Variants in USP48 observed in about 807,000 individuals in gnomAD.
USP48 encodes ubiquitin specific peptidase 48.
A neutral mutation model predicts 150.7 loss-of-function variants in USP48; 43 were observed. That is an observed-to-expected ratio of 0.29 (90% confidence interval 0.22 to 0.37). The LOEUF is 0.37. Ranked by LOEUF, USP48 falls within the 10% of genes least tolerant of loss-of-function variation. USP48 has a pLI of 1.00. For synonymous variants in USP48, 396 were observed against 425.9 expected (o/e 0.93, Z 0.86); for missense variants, 813 against 1,249.6 (o/e 0.65, Z 5.27).
intron 5 of USP48, 133 bp downstream of exon 5, chr1:21,752,394 G>C: frequency 9.4e-7 from 1 of 1,067,870 alleles, no homozygotes; most frequent in Non-Finnish European, 1.3e-6. Flanking sequence ...CCATGGAAAT[G>C]TATTACTATA....
intron 11 of USP48, among the ~76,000 whole-genome samples, chr1:21,727,194 A>G (rs549302433): frequency 6.6e-6 from 1 of 152,348 alleles, no homozygotes; most frequent in African/African-American, 2.4e-5. Flanking sequence ...TAGAAAATGC[A>G]TAACAAAAGA....
At chr1:21,682,444 C>CTTT (rs139299505) in intron 25 of USP48, among the ~76,000 whole-genome samples, 16 of 144,400 alleles carry the variant, frequency 1.1e-4, no homozygotes, top group Admixed American at 6.2e-4. Context: ...CTATTGTTTG[C>CTTT]TTTTTTTTTT....
chr1:21,737,267 T>C (rs2097770783), intron 8 of USP48, among the ~76,000 whole-genome samples: 1 of 152,106 alleles, frequency 6.6e-6, no homozygotes, highest in African/African-American at 2.4e-5. Flanking sequence ...AAGTTTCATT[T>C]GCCAAGTCTA....
chr1:21,689,741 G>GT (rs1443688759), intron 24 of USP48, among the ~76,000 whole-genome samples: 3 of 152,096 alleles, frequency 2.0e-5, no homozygotes, highest in Admixed American at 6.6e-5. Flanking sequence ...ATGCTGTGGC[G>GT]TAACATCACC....
rs188782029 is a variant in USP48 at position 21,687,326 on chromosome 1, T to C, written c.3010-87A>G. 1.6e-4 allele frequency: 198 copies of C among 1,258,528 alleles called. 1 individual carries two copies. The East Asian group carries it at 4.9e-3, about 31-fold the overall frequency. The allele number at this position is 1,258,528 out of a possible 1,614,324, so 78.0% of individuals were successfully genotyped here. A position where few individuals can be genotyped will look rare whatever the true frequency, so the allele number is the denominator to read the frequency against. ...TGGCCCATGATTCAACTACTGATATTGCTATAAGACACAAACACACTGTCC... is the reference window on the plus strand; with the variant it reads ...TGGCCCATGATTCAACTACTGATATCGCTATAAGACACAAACACACTGTCC... On this transcript the variant is annotated intron_variant, in intron 24 of 26. Transcript: ENST00000308271.
At chr1:21,732,272 CT>C (rs1253751233) in intron 9 of USP48, among the ~76,000 whole-genome samples, 1 of 37,206 alleles carries the variant, frequency 2.7e-5, no homozygotes, top group African/African-American at 4.3e-5. Flanking sequence ...CAGTGAGACT[CT>C]GTCTCAAAAA....
At chr1:21,724,697 T>C (rs980753427) in intron 11 of USP48, 1 of 153,376 alleles carries the variant, frequency 6.5e-6, no homozygotes, top group South Asian at 2.1e-4. Flanking sequence ...CAAGTCATGA[T>C]CTCTTCATTA....
intron 21 of USP48, among the ~76,000 whole-genome samples, chr1:21,702,748 T>G (rs762217569): frequency 2.0e-5 from 3 of 152,180 alleles, no homozygotes; most frequent in Non-Finnish European, 4.4e-5. Flanking sequence ...AGACCAGCAA[T>G]AGCCACTAGG....
chr1:21,736,876 G>A (rs946886607), intron 8 of USP48, among the ~76,000 whole-genome samples: 11 of 151,962 alleles, frequency 7.2e-5, no homozygotes, highest in Admixed American at 1.3e-4. Flanking sequence ...GAAAAACTAC[G>A]GCCTCCTGGG....
intron 6 of USP48, among the ~76,000 whole-genome samples, chr1:21,750,853 G>A (rs991891154): frequency 2.7e-5 from 4 of 150,720 alleles, no homozygotes; most frequent in Admixed American, 2.0e-4. Flanking sequence ...TTGCATTCCA[G>A]CCTGGGCAAC....
At chr1:21,768,525 T>C (rs910609411) in intron 1 of USP48, 1 of 152,166 alleles carries the variant, frequency 6.6e-6, no homozygotes, top group Non-Finnish European at 1.5e-5. Context: ...CTTTTTTGTT[T>C]CCCTCATCTC....
At chr1:21,712,186 C>T (rs2152530037) in intron 15 of USP48, among the ~76,000 whole-genome samples, 1 of 152,264 alleles carries the variant, frequency 6.6e-6, no homozygotes, top group South Asian at 2.1e-4. Flanking sequence ...TGGCAAAACC[C>T]CATATCTACT....
intron 25 of USP48, among the ~76,000 whole-genome samples, chr1:21,683,295 T>C (rs946174799): frequency 6.6e-6 from 1 of 152,166 alleles, no homozygotes; most frequent in African/African-American, 2.4e-5. Flanking sequence ...TTTGTACATA[T>C]TTATGGGGAA....
At chr1:21,731,395 C>T (rs2097756423) in intron 9 of USP48, among the ~76,000 whole-genome samples, 1 of 151,680 alleles carries the variant, frequency 6.6e-6, no homozygotes, top group African/African-American at 2.4e-5. Flanking sequence ...TCCCCATTAG[C>T]TAGGATTACA....
chr1:21,737,577 T>A (rs1318920134), intron 8 of USP48, among the ~76,000 whole-genome samples: 1 of 152,210 alleles, frequency 6.6e-6, no homozygotes, highest in Non-Finnish European at 1.5e-5. Flanking sequence ...GATCCTCAAC[T>A]TAAAGCAATT....
At chr1:21,700,998 G>C (rs1463496815) in intron 22 of USP48, among the ~76,000 whole-genome samples, 2 of 150,214 alleles carry the variant, frequency 1.3e-5, no homozygotes, top group African/African-American at 4.9e-5. Context: ...CTGGGAGGTG[G>C]AGGTTGCAGC....
At chr1:21,725,492 C>T (rs1044123334) in intron 11 of USP48, among the ~76,000 whole-genome samples, 2 of 152,120 alleles carry the variant, frequency 1.3e-5, no homozygotes, top group Non-Finnish European at 2.9e-5. Context: ...TGGCTCACGC[C>T]TGTAATCCTA....
At chr1:21,700,003 G>A (rs1195826555) in intron 22 of USP48, among the ~76,000 whole-genome samples, 2 of 147,312 alleles carry the variant, frequency 1.4e-5, no homozygotes, top group Admixed American at 1.3e-4. Context: ...CGCTTGTGGA[G>A]ACATATTAGT....
intron 25 of USP48, among the ~76,000 whole-genome samples, chr1:21,682,127 G>A (rs1404185990): frequency 1.3e-5 from 2 of 152,182 alleles, no homozygotes; most frequent in African/African-American, 2.4e-5. Flanking sequence ...ACAGTATCAT[G>A]GCAGACGGTG....
Sources: gnomAD v4.1 joint callset for allele counts (sites outside exome capture counted in the v4.1 genomes callset) on GRCh38, gnomAD v4.1.1 for gene constraint, MANE v1.5 for transcripts, NCBI Gene and HGNC (gene_info 2026-07-23, HGNC 2026-07-21) for gene names.